Variants in KIRREL3 observed in about 807,000 individuals in gnomAD.
The protein encoded by KIRREL3 is kin of IRRE-like protein 3.
KIRREL3 carries 36 observed loss-of-function variants against 89.7 expected under a neutral mutation model. That is an observed-to-expected ratio of 0.40 (90% CI 0.31 to 0.53). KIRREL3 has a LOEUF of 0.53. Among genes scored for constraint, KIRREL3 ranks in the 20% least tolerant of loss-of-function variants. KIRREL3 has a pLI of 0.49. For synonymous variants in KIRREL3, 445 were observed against 441.4 expected, an observed-to-expected ratio of 1.01 and a Z score of -0.10; for missense variants, 864 against 1,056.6, an observed-to-expected ratio of 0.82 and a Z score of 2.53.
intron 1 of KIRREL3, among the ~76,000 whole-genome samples, chr11:126,679,742 T>C (rs1339121586): frequency 6.6e-6 from 1 of 152,242 alleles, no homozygotes; most frequent in African/African-American, 2.4e-5. Flanking sequence ...TTCAGTCTTA[T>C]TGGTGATTGA....
At chr11:126,847,568 A>C (rs562030861) in intron 1 of KIRREL3, among the ~76,000 whole-genome samples, 17 of 152,250 alleles carry the variant, frequency 1.1e-4, no homozygotes, top group Admixed American at 1.0e-3. Flanking sequence ...AACTTTCAGG[A>C]CTCATGGAGA....
intron 1 of KIRREL3, among the ~76,000 whole-genome samples, chr11:126,679,949 G>A (rs934639664): frequency 6.6e-6 from 1 of 152,188 alleles, no homozygotes; most frequent in African/African-American, 2.4e-5. Flanking sequence ...TAGCTTTTGA[G>A]TACAAAGCAG....
At chr11:126,936,555 C>CAAAAA (rs59632103) in intron 1 of KIRREL3, 2 of 97,832 alleles carry the variant, frequency 2.0e-5, no homozygotes, top group African/African-American at 3.6e-5. Flanking sequence ...TGCTATTCAG[C>CAAAAA]AAAAAAAAAA....
At chr11:126,760,948 A>C (rs965665181) in intron 1 of KIRREL3, among the ~76,000 whole-genome samples, 2 of 152,176 alleles carry the variant, frequency 1.3e-5, no homozygotes, top group Non-Finnish European at 2.9e-5. Flanking sequence ...TCTGGTCTGG[A>C]GTGGTTAGAG....
In KIRREL3 at chr11:126,434,049, T is replaced by G. The variant is rs868034412; in HGVS notation, c.1588+1219A>C. 9.9e-5 allele frequency among the ~76,000 whole-genome samples: 15 copies of G among 152,284 alleles called. 1 individual carries two copies. In the South Asian group the frequency reaches 3.1e-3, roughly 32 times the overall value. ...GGCAGGGGGAGAGCAGGGGGTCCTGTGGGGGCGAGTGCCCCGGGGTGCCAT... is the reference window on the plus strand; with the variant it reads ...GGCAGGGGGAGAGCAGGGGGTCCTGGGGGGGCGAGTGCCCCGGGGTGCCAT... On this transcript the variant is annotated intron_variant, in intron 13 of 16. Transcript: ENST00000525144.
chr11:126,669,964 C>T lies in KIRREL3; in HGVS notation c.56-107052G>A, dbSNP rs1267498664. Among the ~76,000 whole-genome samples, 1 of 152,170 alleles carries T rather than the reference C, an allele frequency of 6.6e-6. No individual in the cohort carries two copies. Among genetic ancestry groups the T allele is most frequent in the African/African-American group, 2.4e-5 (1 of 41,436 alleles). On this transcript the variant is annotated intron_variant, in intron 1 of 16. Transcript: ENST00000525144. The surrounding 1 kb of genome is among the most constrained non-coding windows in gnomAD (Gnocchi z 5.0). ...GTCAGTGCATTGCAGCACCATCCAC[C>T]CCGTTGCTCAAGCTCATGCCTCAGT... is the stretch of plus-strand genomic sequence containing the variant.
chr11:126,850,276 A>G (rs964141924), intron 1 of KIRREL3, among the ~76,000 whole-genome samples: 6 of 152,174 alleles, frequency 3.9e-5, no homozygotes, highest in African/African-American at 1.2e-4. Context: ...CCCTTTTCAC[A>G]AGGGCAAATG....
In KIRREL3 at chr11:126,471,949, GC is replaced by G. The variant is rs1956906068; in HGVS notation, c.591+1359del. ...AACCCCTGTTGGTAGACACAGCAGGGCAAGGGCTGTTGGGTAAGGGATCATG... is the reference window on the plus strand; with the variant it reads ...AACCCCTGTTGGTAGACACAGCAGGGAAGGGCTGTTGGGTAAGGGATCATG... On this transcript the variant is annotated intron_variant, in intron 5 of 16. Coordinates refer to ENST00000525144, the MANE Select transcript of KIRREL3 (RefSeq NM_032531.4). This position sits in a 1 kb window ranked among gnomAD's most constrained non-coding sequence, Gnocchi z 5.4. Among the ~76,000 whole-genome samples the G allele has an allele frequency of 6.6e-6, 1 of 152,166 alleles. No individual in the cohort carries two copies. The highest frequency in any genetic ancestry group is 2.4e-5 in the African/African-American group (1 of 41,436).
intron 1 of KIRREL3, chr11:126,936,537 C>T (rs1363881301): frequency 8.6e-6 from 1 of 116,830 alleles, no homozygotes; most frequent in African/African-American, 3.2e-5. Context: ...TCTATCCGTA[C>T]AATAAAATGC....
At chr11:126,886,291 T>A (rs1450705192) in intron 1 of KIRREL3, among the ~76,000 whole-genome samples, 1 of 152,202 alleles carries the variant, frequency 6.6e-6, no homozygotes, top group Non-Finnish European at 1.5e-5. Flanking sequence ...AATATCTATT[T>A]TCAGCAGCCC....
rs1380971427 is a variant in KIRREL3, at chr11:126,605,731, T to A, written c.56-42819A>T. ...AGCTGTGCGTCCCGCCTGAGTTGAG[T>A]AGGGATGCTGGGAGTGGGAATGGGG... On this transcript the variant is annotated intron_variant, in intron 1 of 16. Coordinates refer to ENST00000525144, the MANE Select transcript of KIRREL3 (RefSeq NM_032531.4). This position sits in a 1 kb window ranked among gnomAD's most constrained non-coding sequence, Gnocchi z 5.7. Among the ~76,000 whole-genome samples, 1 of 151,986 alleles carries A rather than the reference T, an allele frequency of 6.6e-6. No individual in the cohort carries two copies. Among genetic ancestry groups the A allele is most frequent in the Non-Finnish European group, 1.5e-5 (1 of 67,958 alleles).
At chr11:126,583,859 G>C (rs1329918331) in intron 1 of KIRREL3, among the ~76,000 whole-genome samples, 4 of 152,220 alleles carry the variant, frequency 2.6e-5, no homozygotes, top group Non-Finnish European at 5.9e-5. Context: ...GAGGCAGCCA[G>C]GTAGGGAGGC....
At position 126,669,157 on chromosome 11, in the gene KIRREL3, G is replaced by A; in HGVS notation, c.56-106245C>T. On this transcript the variant is annotated intron_variant, in intron 1 of 16. Coordinates refer to ENST00000525144, the MANE Select transcript of KIRREL3 (RefSeq NM_032531.4). This position sits in a 1 kb window ranked among gnomAD's most constrained non-coding sequence, Gnocchi z 5.0. ...TTTTGCTTTGGTTTTTTGCTTCTCT[G>A]GGGTATGGGTCTTCATCTTGTTTGT... Among the ~76,000 whole-genome samples, 1 of 152,080 alleles carries A rather than the reference G, an allele frequency of 6.6e-6. No homozygotes were observed. Among genetic ancestry groups the A allele is most frequent in the Non-Finnish European group, 1.5e-5 (1 of 68,008 alleles).
At chr11:126,842,717 C>A (rs1028709089) in intron 1 of KIRREL3, among the ~76,000 whole-genome samples, 1 of 152,088 alleles carries the variant, frequency 6.6e-6, no homozygotes, top group Non-Finnish European at 1.5e-5. Context: ...GATGGAGCAA[C>A]AATTAGGGGC....
At chr11:126,926,822 T>A (rs1947738144) in intron 1 of KIRREL3, among the ~76,000 whole-genome samples, 1 of 152,228 alleles carries the variant, frequency 6.6e-6, no homozygotes, top group Admixed American at 6.5e-5. Flanking sequence ...GATGTCTTGG[T>A]CAGAAGTTTT....
At position 126,596,024 on chromosome 11, in the gene KIRREL3, G is replaced by A. The variant is rs116037174; in HGVS notation, c.56-33112C>T. Among the ~76,000 whole-genome samples, 365 of 152,298 alleles carry A rather than the reference G, an allele frequency of 2.4e-3. 4 individuals are homozygous for A. The highest frequency in any genetic ancestry group is 8.3e-3 in the African/African-American group (345 of 41,564). On this transcript the variant is annotated intron_variant, in intron 1 of 16. Coordinates refer to ENST00000525144, the MANE Select transcript of KIRREL3 (RefSeq NM_032531.4). Reference sequence around the variant, plus strand: ...GTTGAGGTCTCCAAGCAGGTGGGGAGCCCTTGGCCCCTAGGAAGGCAGGAA... The same window carrying A: ...GTTGAGGTCTCCAAGCAGGTGGGGAACCCTTGGCCCCTAGGAAGGCAGGAA...
In KIRREL3 at chr11:126,704,832, A is replaced by C. The variant is rs1251283518; in HGVS notation, c.56-141920T>G. ...CAAGCTGGGGGGCTCCTAAAGGAAG[A>C]TACTGGGATTCTCAATAGGCCATCA... On this transcript the variant is annotated intron_variant, in intron 1 of 16. Transcript: ENST00000525144. The surrounding 1 kb of genome is among the most constrained non-coding windows in gnomAD (Gnocchi z 4.2). Among the ~76,000 whole-genome samples, 1 of 152,202 alleles carries C rather than the reference A, an allele frequency of 6.6e-6. No homozygotes were observed. The highest frequency in any genetic ancestry group is 1.5e-5 in the Non-Finnish European group (1 of 68,044).
chr11:126,674,373 A>G (rs1946093836), intron 1 of KIRREL3, among the ~76,000 whole-genome samples: 1 of 152,240 alleles, frequency 6.6e-6, no homozygotes, highest in Non-Finnish European at 1.5e-5. Flanking sequence ...TGTTCTCATA[A>G]GTCCTGATTT....
chr11:126,861,867 A>G (rs1445177504), intron 1 of KIRREL3, among the ~76,000 whole-genome samples: 1 of 152,236 alleles, frequency 6.6e-6, no homozygotes, highest in African/African-American at 2.4e-5. Flanking sequence ...GTCTGGGGGC[A>G]CATGGACTGT....
Sources: allele counts gnomAD v4.1 joint callset (sites outside exome capture counted in the v4.1 genomes callset), GRCh38; gene constraint gnomAD v4.1.1; non-coding constraint Gnocchi (gnomAD v3.1); transcripts MANE v1.5; gene names NCBI Gene and HGNC (gene_info 2026-07-23, HGNC 2026-07-21).